The following KCTD10 variants were observed in gnomAD, a reference collection of about 807,000 sequenced individuals.
The protein encoded by KCTD10 is BTB/POZ domain-containing adapter for CUL3-mediated RhoA degradation protein 3.
A neutral mutation model predicts 34.6 loss-of-function variants in KCTD10; 13 were observed. That is an observed-to-expected ratio of 0.38 (90% CI 0.24 to 0.60). The LOEUF (loss-of-function observed/expected upper bound fraction) is 0.60. KCTD10 is among the 20% of genes least tolerant of loss of function. The pLI, the probability that KCTD10 is intolerant of heterozygous loss-of-function variation, is 0.66. For missense variants in KCTD10, 256 were observed against 420.3 expected (o/e 0.61, Z 3.42); for synonymous variants, 156 against 168.8 (o/e 0.92, Z 0.59).
At chr12:109,470,516 T>A in intron 1 of KCTD10, 2 of 985,468 alleles carry the variant, frequency 2.0e-6, no homozygotes, top group Non-Finnish European at 2.4e-6. Flanking sequence ...CCGGCACATG[T>A]GTACTCAGAG....
intron 1 of KCTD10, among the ~76,000 whole-genome samples, chr12:109,473,347 C>T (rs1873983291): frequency 6.6e-6 from 1 of 152,180 alleles, no homozygotes; most frequent in South Asian, 2.1e-4. Flanking sequence ...CCCAGCCCTA[C>T]CACTTAGTAG....
chr12:109,464,931 G>A, intron 2 of KCTD10: 1 of 449,778 alleles, frequency 2.2e-6, no homozygotes, highest in Non-Finnish European at 4.5e-6. Context: ...CCCCTCCTGG[G>A]AATAAACTCT....
intron 2 of KCTD10, among the ~76,000 whole-genome samples, chr12:109,465,726 G>C (rs1296488554): frequency 1.3e-5 from 2 of 152,218 alleles, no homozygotes; most frequent in Admixed American, 1.3e-4. Flanking sequence ...AGGTACTTCA[G>C]AATTTTACCA....
chr12:109,458,162 G>A (rs988319614), intron 3 of KCTD10, 84 bp from the exon 4 acceptor site: 32 of 1,022,718 alleles, frequency 3.1e-5, no homozygotes, highest in Non-Finnish European at 4.0e-5. Context: ...AGGCTCTGGC[G>A]AGGGGAGATG....
rs202077179 is a variant in KCTD10, at chr12:109,469,651, C to T, written c.81G>A (p.Thr27=). The change falls in exon 2 of 7, where the codon ACG becomes ACA. Residue 27 remains threonine, a synonymous_variant. Transcript: ENST00000228495. Reference sequence around the variant, plus strand: ...GCTTCACGTATTTGGAGCTGGGGCTCGTGCCCTTGAAGGAAGTGGTGCGGG... The same window carrying T: ...GCTTCACGTATTTGGAGCTGGGGCTTGTGCCCTTGAAGGAAGTGGTGCGGG... ...AATRTTSFKG[T]SPSSKYVKLN... 3.2e-5 allele frequency: 51 copies of T among 1,614,200 alleles called. No individual in the cohort carries two copies. The highest frequency in any genetic ancestry group is 6.7e-5 in the East Asian group (3 of 44,880).
At position 109,451,308 on chromosome 12, in the gene KCTD10, C is replaced by T. The variant is rs55816288; in HGVS notation, c.*287G>A. On this transcript the variant is annotated 3_prime_UTR_variant, in exon 7 of 7. Coordinates refer to ENST00000228495, the MANE Select transcript of KCTD10 (RefSeq NM_031954.5). The surrounding 1 kb of genome is among the most constrained non-coding windows in gnomAD (Gnocchi z 5.0). ...TTCTCACATACACTTCACACTCATT[C>T]ATACTTTTCCTCTGAGAACCGAGAA... 0.055 allele frequency: 23,681 copies of T among 433,246 alleles called. 789 individuals carry two copies. The highest frequency in any genetic ancestry group is 0.064 in the Non-Finnish European group (15,715 of 245,224). 26.8% of individuals were successfully genotyped at this position (433,246 alleles called of 1,614,324 possible).
At chr12:109,457,810 GGA>G (rs1873100948) in intron 4 of KCTD10, 128 bp from the exon 5 acceptor site, 2 of 1,115,054 alleles carry the variant, frequency 1.8e-6, no homozygotes, top group Non-Finnish European at 2.7e-6. Flanking sequence ...CTTGCTGGCT[GGA>G]GAGGGGGACC....
At chr12:109,468,738 C>T (rs369597796) in intron 2 of KCTD10, among the ~76,000 whole-genome samples, 17 of 151,156 alleles carry the variant, frequency 1.1e-4, no homozygotes, top group Non-Finnish European at 2.1e-4. Flanking sequence ...CTGCAAGCTC[C>T]GCCTCCCGAG....
At chr12:109,474,355 A>T (rs1312065165) in intron 1 of KCTD10, among the ~76,000 whole-genome samples, 1 of 152,212 alleles carries the variant, frequency 6.6e-6, no homozygotes, top group Non-Finnish European at 1.5e-5. Context: ...GATCTGATTC[A>T]ATCAGAAGTT....
At chr12:109,458,268 G>A in intron 3 of KCTD10, 190 bp from the exon 4 acceptor site, 1 of 582,060 alleles carries the variant, frequency 1.7e-6, no homozygotes, top group Non-Finnish European at 3.1e-6. Flanking sequence ...TCTGCTCTTT[G>A]GCTATGACCA....
intron 6 of KCTD10, among the ~76,000 whole-genome samples, chr12:109,454,020 C>G (rs1307554668): frequency 3.9e-5 from 6 of 152,204 alleles, no homozygotes; most frequent in Non-Finnish European, 8.8e-5. Context: ...CAGCCTGAGC[C>G]CAACTGGGTC....
rs1592831920 is a variant in KCTD10 at position 109,451,363 on chromosome 12, A to G, written c.*232T>C. On this transcript the variant is annotated 3_prime_UTR_variant, in exon 7 of 7. Transcript: ENST00000228495. The surrounding 1 kb of genome is among the most constrained non-coding windows in gnomAD (Gnocchi z 5.0). ...TGGCTCCAAAGAGTCTCAGATTCTC[A>G]TGAAAAGTAGAGATCTTAGACACAG... is the stretch of plus-strand genomic sequence containing the variant. 1.0e-5 allele frequency: 5 copies of G among 484,858 alleles called. No homozygotes were observed. The East Asian group carries it at 1.7e-4, about 16-fold the overall frequency. 30.0% of individuals were successfully genotyped at this position (484,858 alleles called of 1,614,324 possible).
chr12:109,473,455 C>T (rs1400492433), intron 1 of KCTD10, among the ~76,000 whole-genome samples: 1 of 152,110 alleles, frequency 6.6e-6, no homozygotes, highest in Non-Finnish European at 1.5e-5. Context: ...AGAATGCTCC[C>T]GAAGTCTCAA....
chr12:109,464,260 G>C (rs1873488505), intron 2 of KCTD10, among the ~76,000 whole-genome samples: 1 of 152,150 alleles, frequency 6.6e-6, no homozygotes, highest in Non-Finnish European at 1.5e-5. Flanking sequence ...CCTCATTCCT[G>C]ATCAGAATCC....
intron 2 of KCTD10, among the ~76,000 whole-genome samples, chr12:109,465,252 G>A (rs1338641291): frequency 3.9e-5 from 6 of 152,260 alleles, no homozygotes; most frequent in East Asian, 3.9e-4. Context: ...ATGTCTGAAC[G>A]AGAGCTATTT....
In KCTD10 at chr12:109,449,768, C is replaced by T. The variant is rs1370903371; in HGVS notation, c.*1827G>A. 1 of 152,112 alleles carries T rather than the reference C, an allele frequency of 6.6e-6. No individual in the cohort carries two copies. The allele number at this position is 152,112 out of a possible 1,614,324, so 9.4% of individuals were successfully genotyped here. A position where few individuals can be genotyped will look rare whatever the true frequency, so the allele number is the denominator to read the frequency against. ...ATGGCTTTTCCATTTTCCTGGCCAA[C>T]ATTCACTTCGACTTTCTAAAAAAGC... On this transcript the variant is annotated 3_prime_UTR_variant, in exon 7 of 7. Coordinates refer to ENST00000228495, the MANE Select transcript of KCTD10 (RefSeq NM_031954.5).
intron 6 of KCTD10, chr12:109,455,656 C>T (rs1336790192): frequency 1.2e-5 from 2 of 166,600 alleles, no homozygotes; most frequent in South Asian, 1.5e-4. Flanking sequence ...AAAGAAATGA[C>T]AGAGTGTATA....
chr12:109,454,723 T>C (rs887044748), intron 6 of KCTD10, among the ~76,000 whole-genome samples: 2 of 152,108 alleles, frequency 1.3e-5, no homozygotes, highest in Non-Finnish European at 2.9e-5. Flanking sequence ...AGCAACACTC[T>C]CTCTCAAAAC....
At chr12:109,461,989 T>TC (rs1029029015) in intron 2 of KCTD10, among the ~76,000 whole-genome samples, 38 of 101,844 alleles carry the variant, frequency 3.7e-4, no homozygotes, top group African/African-American at 1.5e-3. Context: ...CCTGTTCCAC[T>TC]CCTAACAATG....
Sources: allele counts gnomAD v4.1 joint callset (sites outside exome capture counted in the v4.1 genomes callset), GRCh38; gene constraint gnomAD v4.1.1; non-coding constraint Gnocchi (gnomAD v3.1); transcripts MANE v1.5; gene names NCBI Gene and HGNC (gene_info 2026-07-23, HGNC 2026-07-21).